The following FLT3 variants were observed in gnomAD, a reference collection of about 807,000 sequenced individuals.
FLT3 encodes receptor-type tyrosine-protein kinase FLT3.
Under a neutral mutation model 126.6 loss-of-function variants are expected in FLT3, and 46 were observed. The observed-to-expected ratio is 0.36, with a 90% CI of 0.29 to 0.46. FLT3 has a LOEUF of 0.46. FLT3 is among the 20% of genes least tolerant of loss of function. FLT3 has a pLI of 1.00. For missense variants in FLT3, 1,069 were observed against 1,190.3 expected (o/e 0.90, Z 1.50); for synonymous variants, 404 against 434.4 (o/e 0.93, Z 0.87).
chr13:28,056,677 T>C (rs1332530605), intron 4 of FLT3, among the ~76,000 whole-genome samples: 1 of 152,206 alleles, frequency 6.6e-6, no homozygotes, highest in Non-Finnish European at 1.5e-5. Flanking sequence ...ACAGTTTGCA[T>C]ATGGTCTAGC....
intron 23 of FLT3, among the ~76,000 whole-genome samples, chr13:28,009,130 C>G (rs1871160799): frequency 2.0e-5 from 3 of 152,118 alleles, no homozygotes; most frequent in Admixed American, 2.0e-4. Flanking sequence ...GCTTGCACCA[C>G]CACACCCAGC....
At chr13:28,054,974 AGATT>A (rs1380561684) in intron 4 of FLT3, among the ~76,000 whole-genome samples, 2 of 152,146 alleles carry the variant, frequency 1.3e-5, no homozygotes, top group Non-Finnish European at 2.9e-5. Flanking sequence ...TGACTTATAT[AGATT>A]GTTTATCTTA....
At chr13:28,028,427 T>C in intron 15 of FLT3, 139 bp from the exon 16 acceptor site, 1 of 609,276 alleles carries the variant, frequency 1.6e-6, no homozygotes, top group South Asian at 1.9e-5. Flanking sequence ...CCAGGCATGG[T>C]GGGTCATGCC....
At chr13:28,097,523 G>A (rs1879537158) in intron 1 of FLT3, among the ~76,000 whole-genome samples, 1 of 151,724 alleles carries the variant, frequency 6.6e-6, no homozygotes, top group African/African-American at 2.4e-5. Flanking sequence ...CATTTTTAAT[G>A]TAAGGCAAGA....
At chr13:28,095,259 T>C (rs890610143) in intron 1 of FLT3, among the ~76,000 whole-genome samples, 2 of 152,100 alleles carry the variant, frequency 1.3e-5, no homozygotes, top group African/African-American at 4.8e-5. Flanking sequence ...GCTAAGCCAA[T>C]TTCCAGCCCT....
chr13:28,070,819 A>C (rs1231622071), intron 1 of FLT3, among the ~76,000 whole-genome samples: 1 of 152,168 alleles, frequency 6.6e-6, no homozygotes. Context: ...CCAATAAAAC[A>C]GTCTGCAGTG....
intron 15 of FLT3, among the ~76,000 whole-genome samples, chr13:28,029,133 G>A (rs1260193188): frequency 6.6e-6 from 1 of 152,162 alleles, no homozygotes; most frequent in East Asian, 1.9e-4. Flanking sequence ...GCTCACACCT[G>A]TAATCCCAAC....
At chr13:28,074,459 G>A (rs1223117915) in intron 1 of FLT3, among the ~76,000 whole-genome samples, 2 of 152,118 alleles carry the variant, frequency 1.3e-5, no homozygotes, top group African/African-American at 4.8e-5. Flanking sequence ...TATGGTCAGT[G>A]TATTTGTAAC....
At chr13:28,026,352 GAAAAAA>G (rs5802460) in intron 17 of FLT3, among the ~76,000 whole-genome samples, 11 of 78,936 alleles carry the variant, frequency 1.4e-4, no homozygotes, top group African/African-American at 4.8e-4. Flanking sequence ...AACTCTGTCT[GAAAAAA>G]AAAAAAAAAA....
intron 15 of FLT3, among the ~76,000 whole-genome samples, chr13:28,033,520 T>C (rs1873542454): frequency 6.6e-6 from 1 of 151,780 alleles, no homozygotes; most frequent in African/African-American, 2.4e-5. Context: ...AAAACTTAGC[T>C]GAGCGTGGTG....
intron 1 of FLT3, among the ~76,000 whole-genome samples, chr13:28,072,801 A>C: frequency 6.6e-6 from 1 of 150,400 alleles, no homozygotes; most frequent in Non-Finnish European, 1.5e-5. Context: ...CAGGAGCTCG[A>C]GACCATCCTG....
rs1232322315 is a variant in FLT3, at chr13:28,061,978, G to A, written c.257C>T (p.Ser86Phe). ...YEAAAVEVDV[S>F]ASITLQVLVD... ...CAGCACTTGCAGTGTGATGGAAGCAGATACATCCACTTCCACAGCGGCAGC... is the reference window on the plus strand; with the variant it reads ...CAGCACTTGCAGTGTGATGGAAGCAAATACATCCACTTCCACAGCGGCAGC... Residue 86 changes from serine to phenylalanine, a missense_variant, in exon 3 of 24, where the codon TCT becomes TTT. Physicochemically the swap from Ser to Phe is radical, Grantham distance 155. Transcript: ENST00000241453. 1 of 1,613,702 alleles carries A rather than the reference G, an allele frequency of 6.2e-7. No homozygotes were observed. Among genetic ancestry groups the A allele is most frequent in the South Asian group, 1.1e-5 (1 of 91,046 alleles).
intron 19 of FLT3, among the ~76,000 whole-genome samples, chr13:28,022,233 C>T (rs551897800): frequency 6.6e-6 from 1 of 151,638 alleles, no homozygotes. Context: ...GAAAAAAGGC[C>T]GAGTGTGGTG....
chr13:28,076,218 A>C (rs1877915418), intron 1 of FLT3, among the ~76,000 whole-genome samples: 1 of 152,196 alleles, frequency 6.6e-6, no homozygotes, highest in Admixed American at 6.5e-5. Flanking sequence ...AAAAAGAGAA[A>C]ATATATTACA....
At chr13:28,090,832 T>C (rs1878984993) in intron 1 of FLT3, among the ~76,000 whole-genome samples, 1 of 152,110 alleles carries the variant, frequency 6.6e-6, no homozygotes, top group South Asian at 2.1e-4. Flanking sequence ...CCATCAATAT[T>C]AAGGTTCTTT....
chr13:28,012,803 G>A (rs1871511869), intron 23 of FLT3, among the ~76,000 whole-genome samples: 1 of 152,046 alleles, frequency 6.6e-6, no homozygotes, highest in Admixed American at 6.6e-5. Context: ...TGGGTCCGGT[G>A]GTGTGTGCCT....
chr13:28,011,014 T>C (rs1871305239), intron 23 of FLT3, among the ~76,000 whole-genome samples: 2 of 129,262 alleles, frequency 1.5e-5, no homozygotes, highest in Admixed American at 1.6e-4. Flanking sequence ...AAAAAATAAA[T>C]TAAAAAGAAA....
chr13:28,026,624 A>C (rs900836419), intron 17 of FLT3, among the ~76,000 whole-genome samples: 1 of 152,168 alleles, frequency 6.6e-6, no homozygotes, highest in Non-Finnish European at 1.5e-5. Flanking sequence ...CTGCTACTTT[A>C]CTGTGTCCCC....
chr13:28,005,042 G>A (rs1450609164), intron 23 of FLT3, among the ~76,000 whole-genome samples: 4 of 152,130 alleles, frequency 2.6e-5, no homozygotes, highest in African/African-American at 2.4e-5. Flanking sequence ...AGAAAGAGAC[G>A]TAGAAGGCCG....
Sources: allele counts gnomAD v4.1 joint callset (sites outside exome capture counted in the v4.1 genomes callset), GRCh38; gene constraint gnomAD v4.1.1; transcripts MANE v1.5; gene names NCBI Gene and HGNC (gene_info 2026-07-23, HGNC 2026-07-21).